Variants in RPS6KA1 observed in about 807,000 individuals in gnomAD.
RPS6KA1 encodes the protein ribosomal protein S6 kinase alpha-1.
RPS6KA1 carries 48 observed loss-of-function variants against 91.3 expected under a neutral mutation model. The ratio of observed to expected loss-of-function variants is 0.53; its 90% CI spans 0.42 to 0.67. The LOEUF is 0.67. Ranked by LOEUF, RPS6KA1 falls within the 30% of genes least tolerant of loss-of-function variation. The pLI is 0.00. For missense variants in RPS6KA1, 719 were observed against 960.5 expected, an observed-to-expected ratio of 0.75 and a Z score of 3.32; for synonymous variants, 359 against 384.7, an observed-to-expected ratio of 0.93 and a Z score of 0.78.
In RPS6KA1 at chr1:26,574,377, G is replaced by A. The variant is rs1403481575; in HGVS notation, c.*176G>A. ...TGAGAAGTGCCTTCTCCTTCCCCAG[G>A]ATGGACTCTTCTCGGCTCAGGCTCT... On this transcript the variant is annotated 3_prime_UTR_variant, in exon 22 of 22. Transcript: ENST00000374168. This position sits in a 1 kb window ranked among gnomAD's most constrained non-coding sequence, Gnocchi z 4.3. 1 of 824,650 alleles carries A rather than the reference G, an allele frequency of 1.2e-6. No homozygotes were observed. Among genetic ancestry groups the A allele is most frequent in the Admixed American group, 1.7e-5 (1 of 58,400 alleles). 51.1% of individuals were successfully genotyped at this position (824,650 alleles called of 1,614,324 possible).
intron 1 of RPS6KA1, among the ~76,000 whole-genome samples, chr1:26,530,584 G>T (rs1467164949): frequency 6.6e-6 from 1 of 152,168 alleles, no homozygotes; most frequent in Admixed American, 6.5e-5. Flanking sequence ...GAGTGGGGAA[G>T]AGCCCTTAGA....
chr1:26,556,569 G>T lies in RPS6KA1; in HGVS notation c.917-85G>T, dbSNP rs1435863997. ...CCCTCTGCTCCAGCAGCTGGTCCCAGAGCCCTGTGAGGCTGCTTGGTGGGC... is the reference window on the plus strand; with the variant it reads ...CCCTCTGCTCCAGCAGCTGGTCCCATAGCCCTGTGAGGCTGCTTGGTGGGC... On this transcript the variant is annotated intron_variant, in intron 11 of 21. Transcript: ENST00000374168. The T allele has an allele frequency of 6.3e-6, 9 of 1,438,008 alleles. No individual in the cohort carries two copies. In the East Asian group the frequency reaches 1.8e-4, roughly 29 times the overall value. 89.1% of individuals were successfully genotyped at this position (1,438,008 alleles called of 1,614,324 possible).
chr1:26,568,246 A>AT (rs1242335864), intron 17 of RPS6KA1, among the ~76,000 whole-genome samples: 1 of 151,878 alleles, frequency 6.6e-6, no homozygotes, highest in East Asian at 1.9e-4. Flanking sequence ...GCCTGTTGTG[A>AT]TTTTCCATGC....
chr1:26,550,613 C>G (rs1308716467), intron 4 of RPS6KA1, among the ~76,000 whole-genome samples: 4 of 152,356 alleles, frequency 2.6e-5, no homozygotes, highest in African/African-American at 9.6e-5. Context: ...GCCACTGTGC[C>G]CGGCCCAAAA....
At chr1:26,560,170 A>G (rs2076141636) in intron 14 of RPS6KA1, among the ~76,000 whole-genome samples, 1 of 152,260 alleles carries the variant, frequency 6.6e-6, no homozygotes, top group Non-Finnish European at 1.5e-5. Flanking sequence ...GGATGCAAGG[A>G]CCGCATGCGC....
At chr1:26,543,439 C>T (rs941700881) in intron 2 of RPS6KA1, among the ~76,000 whole-genome samples, 1 of 152,208 alleles carries the variant, frequency 6.6e-6, no homozygotes, top group Non-Finnish European at 1.5e-5. Flanking sequence ...CTCTTAGTCC[C>T]TCTTTGAGCC....
At chr1:26,543,673 T>TGGGCA (rs1259759857) in intron 2 of RPS6KA1, among the ~76,000 whole-genome samples, 1 of 151,950 alleles carries the variant, frequency 6.6e-6, no homozygotes, top group Non-Finnish European at 1.5e-5. Context: ...CAGATGTGGG[T>TGGGCA]GGGCAGGACG....
At chr1:26,552,205 T>C (rs2076056818) in intron 6 of RPS6KA1, among the ~76,000 whole-genome samples, 1 of 151,994 alleles carries the variant, frequency 6.6e-6, no homozygotes, top group Admixed American at 6.6e-5. Context: ...CTGCCCAACA[T>C]GGTGAAACCC....
chr1:26,553,044 A>G lies in RPS6KA1; in HGVS notation c.469-347A>G, dbSNP rs143202258. On this transcript the variant is annotated intron_variant, in intron 6 of 21. Coordinates refer to ENST00000374168, the MANE Select transcript of RPS6KA1 (RefSeq NM_002953.4). The stretch of plus-strand genomic sequence containing the variant: ...TGTACCTTGCTTTTTTCAAGATAGT[A>G]TATCTTGGAGCTCACTCCATGTCAG... The G allele has an allele frequency of 2.6e-3, 674 of 258,680 alleles. 3 individuals carry two copies. In the Middle Eastern group the frequency reaches 0.03, roughly 12 times the overall value. The allele number at this position is 258,680 out of a possible 1,614,324, so 16.0% of individuals were successfully genotyped here.
In RPS6KA1 at chr1:26,555,071, C is replaced by A; in HGVS notation, c.757-80C>A. ...ATCAGCAAGAATCCTGGGACTGGGGCAGAGGGGTCTGACTGGGAGGAGGCG... is the reference window on the plus strand; with the variant it reads ...ATCAGCAAGAATCCTGGGACTGGGGAAGAGGGGTCTGACTGGGAGGAGGCG... On this transcript the variant is annotated intron_variant, in intron 9 of 21. Transcript: ENST00000374168. This position sits in a 1 kb window ranked among gnomAD's most constrained non-coding sequence, Gnocchi z 4.3. 7.4e-7 allele frequency: 1 copy of A among 1,360,500 alleles called. No individual in the cohort carries two copies. The allele number at this position is 1,360,500 out of a possible 1,614,324, so 84.3% of individuals were successfully genotyped here.
intron 4 of RPS6KA1, among the ~76,000 whole-genome samples, chr1:26,549,900 A>T (rs546377638): frequency 1.4e-5 from 2 of 145,602 alleles, no homozygotes; most frequent in South Asian, 2.2e-4. Context: ...CTTTTTTGAG[A>T]CGGAGTTTCA....
chr1:26,569,718 C>A (rs2076234011), intron 17 of RPS6KA1, among the ~76,000 whole-genome samples: 1 of 152,254 alleles, frequency 6.6e-6, no homozygotes, highest in Non-Finnish European at 1.5e-5. Context: ...GTGATTTGTT[C>A]ATTCATTGCA....
Position 26,547,920 on chromosome 1 carries a change from A to G in RPS6KA1, c.307+650A>G, listed in dbSNP as rs2076009900. 6.6e-6 allele frequency among the ~76,000 whole-genome samples: 1 copy of G among 152,202 alleles called. No homozygotes were observed. Among genetic ancestry groups the G allele is most frequent in the South Asian group, 2.1e-4 (1 of 4,832 alleles). The stretch of plus-strand genomic sequence containing the variant: ...CGCGGTGGCTCACACCTGTAATCCC[A>G]GCACTTTGGGAGGCTGAGGTGGGCG... On this transcript the variant is annotated intron_variant, in intron 4 of 21. Transcript: ENST00000374168. This position sits in a 1 kb window ranked among gnomAD's most constrained non-coding sequence, Gnocchi z 4.1.
intron 20 of RPS6KA1, 88 bp downstream of exon 20, chr1:26,572,381 A>G (rs985681379): frequency 1.2e-6 from 1 of 849,004 alleles, no homozygotes; most frequent in African/African-American, 1.7e-5. Context: ...GAACAGCCTC[A>G]TTTCTCCAAG....
At chr1:26,549,096 C>A (rs1274171652) in intron 4 of RPS6KA1, among the ~76,000 whole-genome samples, 1 of 149,990 alleles carries the variant, frequency 6.7e-6, no homozygotes, top group Non-Finnish European at 1.5e-5. Flanking sequence ...ATGGCAGTGA[C>A]GAATGAATAG....
intron 17 of RPS6KA1, among the ~76,000 whole-genome samples, chr1:26,569,726 G>C (rs987921622): frequency 2.0e-5 from 3 of 152,234 alleles, no homozygotes; most frequent in Non-Finnish European, 4.4e-5. Flanking sequence ...TTCATTCATT[G>C]CACAAAGTTC....
At position 26,555,749 on chromosome 1, in the gene RPS6KA1, C is replaced by A; in HGVS notation, c.916+124C>A. On this transcript the variant is annotated intron_variant, in intron 11 of 21. Transcript: ENST00000374168. This position sits in a 1 kb window ranked among gnomAD's most constrained non-coding sequence, Gnocchi z 4.3. ...TGTCCTTTGTGTGGGCAGACAATGC[C>A]GCGGGCCACCCTGCTTTCTGGCTCC... is the stretch of plus-strand genomic sequence containing the variant. 2 of 917,498 alleles carry A rather than the reference C, an allele frequency of 2.2e-6. No homozygotes were observed. The highest frequency in any genetic ancestry group is 3.4e-6 in the Non-Finnish European group (2 of 580,542). 56.8% of individuals were successfully genotyped at this position (917,498 alleles called of 1,614,324 possible).
chr1:26,543,054 A>C, intron 2 of RPS6KA1: 6 of 1,161,518 alleles, frequency 5.2e-6, no homozygotes, highest in Non-Finnish European at 7.3e-6. Context: ...CAGAGGGGGA[A>C]GTGAGAAGGA....
chr1:26,554,312 G>C lies in RPS6KA1; in HGVS notation c.613+61G>C. The C allele has an allele frequency of 2.0e-6, 3 of 1,510,478 alleles. No homozygotes were observed. Among genetic ancestry groups the C allele is most frequent in the Non-Finnish European group, 2.7e-6 (3 of 1,113,052 alleles). The allele number at this position is 1,510,478 out of a possible 1,614,324, so 93.6% of individuals were successfully genotyped here. ...GGAGGACAGGACAAGGTCATGATAG[G>C]TCTCGGCTGAGTGCTGGGGGCTCAT... On this transcript the variant is annotated intron_variant, in intron 8 of 21. Transcript: ENST00000374168. The surrounding 1 kb of genome is among the most constrained non-coding windows in gnomAD (Gnocchi z 4.6).
Sources: allele counts gnomAD v4.1 joint callset (sites outside exome capture counted in the v4.1 genomes callset), GRCh38; gene constraint gnomAD v4.1.1; non-coding constraint Gnocchi (gnomAD v3.1); transcripts MANE v1.5; gene names NCBI Gene and HGNC (gene_info 2026-07-23, HGNC 2026-07-21).